DNAAF5: variants seen among roughly 807,000 people sequenced by gnomAD.
DNAAF5 encodes the protein HEAT repeat containing 2.
Under a neutral mutation model 75.8 loss-of-function variants are expected in DNAAF5, and 64 were observed. The ratio of observed to expected loss-of-function variants is 0.84; its 90% confidence interval spans 0.69 to 1.04. The LOEUF is 1.04. DNAAF5 is among the 50% of genes least tolerant of loss of function. The pLI is 0.00. For synonymous variants in DNAAF5, 657 were observed against 557.2 expected (o/e 1.18, Z -2.52); for missense variants, 1,269 against 1,178.5 (o/e 1.08, Z -1.12).
Position 761,874 on chromosome 7 carries a change from G to T in DNAAF5, c.1592G>T (p.Gly531Val). Reference sequence around the variant, plus strand: ...CTGCTGACAATAGTGGCCCTCGCAGGTGCTACCGGCCTGAGGGACAAGGTA... The same window carrying T: ...CTGCTGACAATAGTGGCCCTCGCAGTTGCTACCGGCCTGAGGGACAAGGTA... The part of the protein sequence containing the change: ...DVLLTIVALA[G>V]ATGLRDKAQE... The change falls in exon 7 of 13, where the codon GGT becomes GTT. Residue 531 changes from glycine (G) to valine (V), a missense_variant. Transcript: ENST00000297440. The T allele has an allele frequency of 6.3e-7, 1 of 1,580,952 alleles. No individual in the cohort carries two copies. The highest frequency in any genetic ancestry group is 8.6e-7 in the Non-Finnish European group (1 of 1,163,958).
chr7:770,582 T>C lies in DNAAF5; in HGVS notation c.1895T>C (p.Val632Ala), dbSNP rs4720951. 732,881 of 1,613,284 alleles carry C rather than the reference T, an allele frequency of 0.45. 168,411 individuals are homozygous for C. The highest frequency in any genetic ancestry group is 0.47 in the Middle Eastern group (2,877 of 6,062). The stretch of plus-strand genomic sequence containing the variant: ...AAGCTGTTCTCCATCCTGTCCACCG[T>C]GCTGCTCAGAGCCACGGACACCATC... ...RLKLFSILSTVLLRATDTINS... is the reference protein window; with the variant it reads ...RLKLFSILSTALLRATDTINS... Residue 632 changes from valine (V) to alanine (A), a missense_variant, in exon 9 of 13, where the codon GTG (valine) becomes GCG (alanine). Val to Ala is a moderately conservative substitution (Grantham distance 64). Coordinates refer to ENST00000297440, the MANE Select transcript of DNAAF5 (RefSeq NM_017802.4).
At chr7:728,678 C>T (rs1396243780) in intron 1 of DNAAF5, among the ~76,000 whole-genome samples, 3 of 152,222 alleles carry the variant, frequency 2.0e-5, no homozygotes, top group Non-Finnish European at 4.4e-5. Context: ...CTCCCTGGAC[C>T]GTAGGTTCCA....
intron 6 of DNAAF5, 74 bp downstream of exon 6, chr7:757,068 A>G (rs577106377): frequency 2.8e-6 from 4 of 1,428,802 alleles, no homozygotes; most frequent in South Asian, 2.5e-5. Flanking sequence ...TCGTAATGAC[A>G]TGTCTGTGGG....
intron 9 of DNAAF5, among the ~76,000 whole-genome samples, chr7:773,233 C>T (rs975706461): frequency 6.6e-6 from 1 of 152,244 alleles, no homozygotes; most frequent in African/African-American, 2.4e-5. Context: ...TCACTTTCCA[C>T]ATCTGCTCAT....
intron 2 of DNAAF5, among the ~76,000 whole-genome samples, chr7:734,672 G>C (rs547344916): frequency 6.6e-6 from 1 of 152,308 alleles, no homozygotes; most frequent in East Asian, 1.9e-4. Context: ...TTAAACGTTT[G>C]ATAACATTTG....
rs139644182 is a variant in DNAAF5 at position 752,903 on chromosome 7, A to G, written c.1025-1686A>G. ...CATTTTTTTAAATGGGCAGAAAACAATTTGGAAAGACCCTTTACCAGGGAA... is the reference window on the plus strand; with the variant it reads ...CATTTTTTTAAATGGGCAGAAAACAGTTTGGAAAGACCCTTTACCAGGGAA... On this transcript the variant is annotated intron_variant, in intron 4 of 12. Coordinates refer to ENST00000297440, the MANE Select transcript of DNAAF5 (RefSeq NM_017802.4). Among the ~76,000 whole-genome samples, 209 of 152,336 alleles carry G rather than the reference A, an allele frequency of 1.4e-3. 1 individual carries two copies. Among genetic ancestry groups the G allele is most frequent in the Non-Finnish European group, 2.0e-3 (137 of 68,024 alleles).
intron 2 of DNAAF5, among the ~76,000 whole-genome samples, chr7:734,997 G>T (rs571375866): frequency 2.0e-5 from 3 of 151,628 alleles, no homozygotes; most frequent in African/African-American, 7.3e-5. Context: ...CGCTGCTCAC[G>T]ATGTCATTGC....
intron 7 of DNAAF5, among the ~76,000 whole-genome samples, chr7:763,212 A>G (rs547824528): frequency 2.6e-5 from 4 of 152,302 alleles, no homozygotes; most frequent in African/African-American, 9.6e-5. Context: ...CTGAGGTACC[A>G]GCAAAAGCAA....
At chr7:770,417 G>A in intron 8 of DNAAF5, 54 bp from the exon 9 acceptor site, 1 of 1,558,952 alleles carries the variant, frequency 6.4e-7, no homozygotes, top group Non-Finnish European at 8.7e-7. Context: ...GCTGGATGGG[G>A]CCTCCTCCCG....
chr7:728,119 C>G (rs1781425601), intron 1 of DNAAF5, among the ~76,000 whole-genome samples: 1 of 152,166 alleles, frequency 6.6e-6, no homozygotes, highest in Non-Finnish European at 1.5e-5. Context: ...CGTTCCCCAT[C>G]TTTTTTAGAG....
At position 780,825 on chromosome 7, in the gene DNAAF5, T is replaced by C. The variant is rs4367433; in HGVS notation, c.2431+681T>C. Among the ~76,000 whole-genome samples the C allele has an allele frequency of 5.3e-4, 77 of 144,686 alleles. 1 individual carries two copies. Among genetic ancestry groups the C allele is most frequent in the South Asian group, 2.0e-3 (9 of 4,476 alleles). 94.9% of individuals were successfully genotyped at this position (144,686 alleles called of 152,430 possible). ...GAATGTAACGATTTGCTTTTTTTTT[T>C]CTTTTTTTTTTTTTTGTTTTGTTTT... On this transcript the variant is annotated intron_variant, in intron 12 of 12. Transcript: ENST00000297440.
chr7:779,525 C>CT (rs1297458725), intron 11 of DNAAF5, among the ~76,000 whole-genome samples: 1 of 152,226 alleles, frequency 6.6e-6, no homozygotes, highest in African/African-American at 2.4e-5. Flanking sequence ...AGGGGGTTGT[C>CT]TGTCACTGAG....
chr7:727,264 G>A lies in DNAAF5; in HGVS notation c.544G>A (p.Val182Met). ...RCSLLDPFAA[V>M]RRESCSCAAA... Reference sequence around the variant, plus strand: ...CTCCCTGCTCGACCCCTTCGCCGCCGTGCGCCGCGAGAGCTGCAGCTGCGC... The same window carrying A: ...CTCCCTGCTCGACCCCTTCGCCGCCATGCGCCGCGAGAGCTGCAGCTGCGC... Residue 182 changes from valine (V) to methionine (M), a missense_variant, in exon 1 of 13, where the codon GTG becomes ATG. Coordinates refer to ENST00000297440, the MANE Select transcript of DNAAF5 (RefSeq NM_017802.4). The A allele has an allele frequency of 1.5e-6, 2 of 1,327,520 alleles. No individual in the cohort carries two copies. Among genetic ancestry groups the A allele is most frequent in the South Asian group, 1.9e-5 (1 of 51,770 alleles). 82.2% of individuals were successfully genotyped at this position (1,327,520 alleles called of 1,614,324 possible). A position where few individuals can be genotyped will look rare whatever the true frequency, so the allele number is the denominator to read the frequency against.
intron 6 of DNAAF5, among the ~76,000 whole-genome samples, chr7:761,175 C>T (rs938641308): frequency 6.6e-6 from 1 of 152,214 alleles, no homozygotes; most frequent in African/African-American, 2.4e-5. Flanking sequence ...TTCCTTAGCT[C>T]CCAGTCTGTG....
intron 6 of DNAAF5, among the ~76,000 whole-genome samples, chr7:761,374 C>T (rs1243930728): frequency 6.6e-6 from 1 of 152,200 alleles, no homozygotes; most frequent in Non-Finnish European, 1.5e-5. Context: ...TGTATTAGTC[C>T]ATTCTCATGT....
intron 2 of DNAAF5, among the ~76,000 whole-genome samples, chr7:733,129 A>G (rs1781635618): frequency 6.6e-6 from 1 of 151,966 alleles, no homozygotes; most frequent in Non-Finnish European, 1.5e-5. Context: ...ATTCTGTTCC[A>G]TTGGTCTGTG....
At chr7:774,318 C>T (rs1473028129) in intron 10 of DNAAF5, 120 bp downstream of exon 10, 1 of 1,076,708 alleles carries the variant, frequency 9.3e-7, no homozygotes, top group Non-Finnish European at 1.3e-6. Flanking sequence ...CCACCTGGGG[C>T]CCGTACCCCA....
At chr7:766,797 G>A (rs1214064594) in intron 8 of DNAAF5, among the ~76,000 whole-genome samples, 1 of 152,116 alleles carries the variant, frequency 6.6e-6, no homozygotes, top group African/African-American at 2.4e-5. Context: ...ACAACAGAGA[G>A]AGACCATGAT....
intron 2 of DNAAF5, among the ~76,000 whole-genome samples, chr7:731,958 A>G (rs577713960): frequency 6.6e-6 from 1 of 151,828 alleles, no homozygotes; most frequent in Non-Finnish European, 1.5e-5. Context: ...CTGGGACCCC[A>G]TCCTCTCTGC....
Sources: allele counts gnomAD v4.1 joint callset (sites outside exome capture counted in the v4.1 genomes callset), GRCh38; gene constraint gnomAD v4.1.1; transcripts MANE v1.5; gene names NCBI Gene and HGNC (gene_info 2026-07-23, HGNC 2026-07-21).